Variants in CNOT9 observed in about 807,000 individuals in gnomAD.
The protein encoded by CNOT9 is RCD1 required for cell differentiation1 homolog.
A neutral mutation model predicts 37.4 loss-of-function variants in CNOT9; 8 were observed. The ratio of observed to expected loss-of-function variants is 0.21; its 90% CI spans 0.13 to 0.39. CNOT9 has a LOEUF of 0.39. CNOT9 is among the 10% of genes least tolerant of loss of function. The probability of loss-of-function intolerance (pLI) is 1.00; values close to 1 mark genes in which losing one functional copy is unlikely to be tolerated. For missense variants in CNOT9, 154 were observed against 365.3 expected, an observed-to-expected ratio of 0.42 and a Z score of 4.71; for synonymous variants, 120 against 137.6, an observed-to-expected ratio of 0.87 and a Z score of 0.90.
At chr2:218,582,294 C>T (rs1304705931) in intron 2 of CNOT9, among the ~76,000 whole-genome samples, 2 of 152,144 alleles carry the variant, frequency 1.3e-5, no homozygotes, top group Admixed American at 6.5e-5. Context: ...TAACTTAAAG[C>T]AGGATGCTAG....
At chr2:218,580,858 G>C (rs954873589) in intron 2 of CNOT9, 118 bp downstream of exon 2, 1 of 923,124 alleles carries the variant, frequency 1.1e-6, no homozygotes, top group African/African-American at 1.7e-5. Context: ...AACTGCATTT[G>C]TAAGAATCTG....
intron 7 of CNOT9, chr2:218,593,038 G>T: frequency 3.3e-6 from 1 of 303,526 alleles, no homozygotes; most frequent in Non-Finnish European, 6.1e-6. Flanking sequence ...TATTTTCAAA[G>T]ATCTCTTAAA....
chr2:218,569,021 C>CA lies in CNOT9; in HGVS notation c.24+44dup, dbSNP rs765737485. On this transcript the variant is annotated intron_variant, in intron 1 of 7. Coordinates refer to ENST00000273064, the MANE Select transcript of CNOT9 (RefSeq NM_005444.3). ...CAGGCTTGGAACCAGAATCCTTTCTCAGACCCACGTTTCGGCCTTCTCTCC... is the reference window on the plus strand; with the variant it reads ...CAGGCTTGGAACCAGAATCCTTTCTCAAGACCCACGTTTCGGCCTTCTCTCC... 4 of 1,607,948 alleles carry CA rather than the reference C, an allele frequency of 2.5e-6. No individual in the cohort carries two copies. In the South Asian group the frequency reaches 4.4e-5, roughly 18 times the overall value.
chr2:218,578,663 C>T lies in CNOT9; in HGVS notation c.25-1898C>T, dbSNP rs536599459. Among the ~76,000 whole-genome samples the T allele has an allele frequency of 1.4e-4, 22 of 151,768 alleles. No individual in the cohort carries two copies. The South Asian group carries it at 1.7e-3, about 12-fold the overall frequency. On this transcript the variant is annotated intron_variant, in intron 1 of 7. Transcript: ENST00000273064. The stretch of plus-strand genomic sequence containing the variant: ...GTAGATAGCCTTCCCCCCCGCCTCC[C>T]GCTCCTTCTTTTATTTCTCATGGTT...
chr2:218,590,909 T>G (rs1694752224), intron 5 of CNOT9, among the ~76,000 whole-genome samples: 1 of 152,126 alleles, frequency 6.6e-6, no homozygotes, highest in Admixed American at 6.6e-5. Flanking sequence ...CACTGCATCC[T>G]TGAACTCCTG....
chr2:218,584,782 GT>G, intron 4 of CNOT9, 61 bp downstream of exon 4: 1 of 1,203,720 alleles, frequency 8.3e-7, no homozygotes, highest in Non-Finnish European at 1.2e-6. Flanking sequence ...TAAGTTGGGT[GT>G]TTTGTCTTGC....
rs1472589226 is a variant in CNOT9 at position 218,568,991 on chromosome 2, GC to G, written c.24+18del. 1.2e-5 allele frequency: 19 copies of G among 1,611,282 alleles called. No homozygotes were observed. Among genetic ancestry groups the G allele is most frequent in the Non-Finnish European group, 1.6e-5 (19 of 1,178,752 alleles). ...GGCGACGGCTGCGGTGAGTGGCTGGGCCCCCAGGCTTGGAACCAGAATCCTT... is the reference window on the plus strand; with the variant it reads ...GGCGACGGCTGCGGTGAGTGGCTGGGCCCCAGGCTTGGAACCAGAATCCTT... On this transcript the variant is annotated intron_variant, in intron 1 of 7. Coordinates refer to ENST00000273064, the MANE Select transcript of CNOT9 (RefSeq NM_005444.3).
rs779672109 is a variant in CNOT9, at chr2:218,594,310, T to C, written c.*34T>C. 3 of 1,573,642 alleles carry C rather than the reference T, an allele frequency of 1.9e-6. No homozygotes were observed. The East Asian group carries it at 7.0e-5, about 37-fold the overall frequency. On this transcript the variant is annotated 3_prime_UTR_variant, in exon 8 of 8. Coordinates refer to ENST00000273064, the MANE Select transcript of CNOT9 (RefSeq NM_005444.3). ...TGTTCCCTCCCACTACTCCCCCAAG[T>C]TGGGGAAAGGAGGGGGAACCTACGA...
At chr2:218,570,462 T>C (rs1693950206) in intron 1 of CNOT9, among the ~76,000 whole-genome samples, 1 of 152,222 alleles carries the variant, frequency 6.6e-6, no homozygotes, top group Non-Finnish European at 1.5e-5. Flanking sequence ...TTCTAAGTGT[T>C]TGTAACTATT....
At position 218,594,897 on chromosome 2, in the gene CNOT9, G is replaced by A. The variant is rs1255556318; in HGVS notation, c.*621G>A. ...TTGGTCTGGGCATTACATCCCCTCTGGCAGGCCAATAGCTGCATCAAGCTG... is the reference window on the plus strand; with the variant it reads ...TTGGTCTGGGCATTACATCCCCTCTAGCAGGCCAATAGCTGCATCAAGCTG... On this transcript the variant is annotated 3_prime_UTR_variant, in exon 8 of 8. Coordinates refer to ENST00000273064, the MANE Select transcript of CNOT9 (RefSeq NM_005444.3). The A allele has an allele frequency of 1.3e-5, 2 of 152,196 alleles. No individual in the cohort carries two copies. The highest frequency in any genetic ancestry group is 4.8e-5 in the African/African-American group (2 of 41,416). 9.4% of individuals were successfully genotyped at this position (152,196 alleles called of 1,614,324 possible).
rs1195660044 is a variant in CNOT9, at chr2:218,592,254, A to G, written c.541-50A>G. 4.5e-6 allele frequency: 6 copies of G among 1,345,714 alleles called. No individual in the cohort carries two copies. In the Admixed American group the frequency reaches 5.5e-5, roughly 12 times the overall value. The allele number at this position is 1,345,714 out of a possible 1,614,324, so 83.4% of individuals were successfully genotyped here. A position where few individuals can be genotyped will look rare whatever the true frequency, so the allele number is the denominator to read the frequency against. Reference sequence around the variant, plus strand: ...CTGGGAAAATGAGTAGAAAATGAGAAGATTAAATCTGAGCAACTTTATAAA... The same window carrying G: ...CTGGGAAAATGAGTAGAAAATGAGAGGATTAAATCTGAGCAACTTTATAAA... On this transcript the variant is annotated intron_variant, in intron 5 of 7. Transcript: ENST00000273064. This position sits in a 1 kb window ranked among gnomAD's most constrained non-coding sequence, Gnocchi z 4.1.
intron 1 of CNOT9, among the ~76,000 whole-genome samples, chr2:218,569,891 G>A (rs1227263846): frequency 2.0e-5 from 3 of 152,032 alleles, no homozygotes; most frequent in Non-Finnish European, 4.4e-5. Context: ...TGCCTAAATC[G>A]GTCTCAGAGT....
At chr2:218,569,606 G>T (rs1693889795) in intron 1 of CNOT9, among the ~76,000 whole-genome samples, 1 of 152,130 alleles carries the variant, frequency 6.6e-6, no homozygotes, top group South Asian at 2.1e-4. Flanking sequence ...CCTTGCCATA[G>T]CCTGCACGGC....
At chr2:218,575,320 C>T (rs1315306294) in intron 1 of CNOT9, among the ~76,000 whole-genome samples, 1 of 151,050 alleles carries the variant, frequency 6.6e-6, no homozygotes, top group Non-Finnish European at 1.5e-5. Flanking sequence ...TGTAGGTTTT[C>T]GTGTTTTTGC....
intron 1 of CNOT9, 139 bp from the exon 2 acceptor site, chr2:218,580,422 T>C (rs1358012653): frequency 4.7e-6 from 3 of 635,428 alleles, no homozygotes; most frequent in Non-Finnish European, 5.3e-6. Flanking sequence ...AGAGATTGAA[T>C]AGTTGACATC....
rs1559251601 is a variant in CNOT9 at position 218,592,541 on chromosome 2, T to C, written c.640-75T>C. 7 of 1,524,044 alleles carry C rather than the reference T, an allele frequency of 4.6e-6. No individual in the cohort carries two copies. Among genetic ancestry groups the C allele is most frequent in the Admixed American group, 1.7e-5 (1 of 59,908 alleles). The allele number at this position is 1,524,044 out of a possible 1,614,324, so 94.4% of individuals were successfully genotyped here. On this transcript the variant is annotated intron_variant, in intron 6 of 7. Coordinates refer to ENST00000273064, the MANE Select transcript of CNOT9 (RefSeq NM_005444.3). The surrounding 1 kb of genome is among the most constrained non-coding windows in gnomAD (Gnocchi z 4.1). The stretch of plus-strand genomic sequence containing the variant: ...CTTTTATGATTCTTGGACTATCTGA[T>C]CTCTGATGTCAATTAGAATTTGTTT...
chr2:218,579,710 A>G (rs753909308), intron 1 of CNOT9, among the ~76,000 whole-genome samples: 3 of 152,036 alleles, frequency 2.0e-5, no homozygotes, highest in East Asian at 1.9e-4. Context: ...GATGGTCTCA[A>G]TCTCCTGACT....
In CNOT9 at chr2:218,587,152, T is replaced by G. The variant is rs1330243525; in HGVS notation, c.431-434T>G. On this transcript the variant is annotated intron_variant, in intron 4 of 7. Coordinates refer to ENST00000273064, the MANE Select transcript of CNOT9 (RefSeq NM_005444.3). Reference sequence around the variant, plus strand: ...ATTTAGTGCAGAAAGCTTTTTTTTTTAGAGAGAGTCTGTCACCCAGACTAG... The same window carrying G: ...ATTTAGTGCAGAAAGCTTTTTTTTTGAGAGAGAGTCTGTCACCCAGACTAG... Among the ~76,000 whole-genome samples, 3 of 152,010 alleles carry G rather than the reference T, an allele frequency of 2.0e-5. No homozygotes were observed. In the South Asian group the frequency reaches 6.2e-4, roughly 32 times the overall value.
chr2:218,583,213 G>A lies in CNOT9; in HGVS notation c.320+127G>A, dbSNP rs1355553980. The A allele has an allele frequency of 1.6e-5, 6 of 367,402 alleles. 1 individual carries two copies. The highest frequency in any genetic ancestry group is 7.8e-5 in the African/African-American group (3 of 38,254). 22.8% of individuals were successfully genotyped at this position (367,402 alleles called of 1,614,324 possible). ...AACGTTTGTGTGTGTGTGTGTGTGTGTGTGTGTGTGTGTGTGTGTGTCTCT... is the reference window on the plus strand; with the variant it reads ...AACGTTTGTGTGTGTGTGTGTGTGTATGTGTGTGTGTGTGTGTGTGTCTCT... On this transcript the variant is annotated intron_variant, in intron 3 of 7. Transcript: ENST00000273064.
Sources: gnomAD v4.1 joint callset for allele counts (sites outside exome capture counted in the v4.1 genomes callset) on GRCh38, gnomAD v4.1.1 for gene constraint, Gnocchi (gnomAD v3.1) non-coding constraint, MANE v1.5 for transcripts, NCBI Gene and HGNC (gene_info 2026-07-23, HGNC 2026-07-21) for gene names.